PLEKHA5: variants seen among roughly 807,000 people sequenced by gnomAD.
The protein encoded by PLEKHA5 is pleckstrin homology domain containing A5.
Under a neutral mutation model 181.9 loss-of-function variants are expected in PLEKHA5, and 55 were observed. The observed-to-expected ratio is 0.30, with a 90% confidence interval of 0.24 to 0.38. The LOEUF (loss-of-function observed/expected upper bound fraction) is 0.38. Ranked by LOEUF, PLEKHA5 falls within the 10% of genes least tolerant of loss-of-function variation. The pLI is 1.00. For missense variants in PLEKHA5, 1,432 were observed against 1,549.5 expected (o/e 0.92, Z 1.27); for synonymous variants, 535 against 529.4 (o/e 1.01, Z -0.15).
chr12:19,326,364 A>G (rs2092085762), intron 20 of PLEKHA5, among the ~76,000 whole-genome samples: 1 of 152,162 alleles, frequency 6.6e-6, no homozygotes, highest in Non-Finnish European at 1.5e-5. Flanking sequence ...TTGCTGGCAG[A>G]ATCTCAAAGG....
Position 19,354,523 on chromosome 12 carries a change from T to A in PLEKHA5, c.3138+521T>A, listed in dbSNP as rs1433420593. ...TGAGATGGAGTCTCGCTCTCTCGCC[T>A]GGGCTGGAGTGCAGTGGCGTGATTT... On this transcript the variant is annotated intron_variant, in intron 26 of 31. Transcript: ENST00000429027. Among the ~76,000 whole-genome samples the A allele has an allele frequency of 2.1e-5, 3 of 140,944 alleles. No homozygotes were observed. In the Admixed American group the frequency reaches 2.2e-4, roughly 10 times the overall value. The allele number at this position is 140,944 out of a possible 152,430, so 92.5% of individuals were successfully genotyped here. A position where few individuals can be genotyped will look rare whatever the true frequency, so the allele number is the denominator to read the frequency against.
intron 25 of PLEKHA5, among the ~76,000 whole-genome samples, chr12:19,352,925 G>A (rs1452513099): frequency 6.7e-6 from 1 of 150,224 alleles, no homozygotes; most frequent in Non-Finnish European, 1.5e-5. Context: ...TGGGACTATA[G>A]GTGTACACCA....
intron 15 of PLEKHA5, among the ~76,000 whole-genome samples, chr12:19,305,228 C>A (rs1421920654): frequency 1.3e-5 from 2 of 152,078 alleles, no homozygotes; most frequent in African/African-American, 4.8e-5. Flanking sequence ...GATGTAATTA[C>A]ATATAATTCA....
chr12:19,209,469 C>A (rs1386520806), intron 3 of PLEKHA5, among the ~76,000 whole-genome samples: 1 of 152,202 alleles, frequency 6.6e-6, no homozygotes, highest in African/African-American at 2.4e-5. Flanking sequence ...TTGATTGATT[C>A]AGTATACACA....
intron 30 of PLEKHA5, among the ~76,000 whole-genome samples, chr12:19,367,783 T>C (rs1365374265): frequency 1.3e-5 from 2 of 150,896 alleles, no homozygotes; most frequent in East Asian, 3.9e-4. Flanking sequence ...AGAGATAGGG[T>C]TTCACTGTTA....
chr12:19,199,416 G>C (rs2053675958), intron 3 of PLEKHA5, among the ~76,000 whole-genome samples: 1 of 152,126 alleles, frequency 6.6e-6, no homozygotes, highest in Admixed American at 6.6e-5. Flanking sequence ...GAGTGTCACT[G>C]GTTTGTCCCA....
chr12:19,234,535 C>T (rs1194072783), intron 3 of PLEKHA5, among the ~76,000 whole-genome samples: 2 of 152,188 alleles, frequency 1.3e-5, no homozygotes, highest in Non-Finnish European at 2.9e-5. Flanking sequence ...TAGTATCCCT[C>T]ATAAGCTTCC....
chr12:19,329,153 A>G (rs901646017), intron 20 of PLEKHA5, among the ~76,000 whole-genome samples: 1 of 152,160 alleles, frequency 6.6e-6, no homozygotes, highest in Non-Finnish European at 1.5e-5. Flanking sequence ...TGATTTGTAT[A>G]TGTTGAACCA....
Position 19,265,768 on chromosome 12 carries a change from T to C in PLEKHA5, c.629T>C (p.Ile210Thr). The change falls in exon 8 of 32, where the codon ATC becomes ACC. Residue 210 changes from isoleucine (I) to threonine (T), a missense_variant. Ile to Thr is a moderately conservative substitution (Grantham distance 89, BLOSUM62 -1). This residue lies in a region of PLEKHA5 where 289 missense variants were observed against 381.1 expected (regional missense o/e 0.76). Transcript: ENST00000429027. ...FYYRDEKEEG[I>T]LGSILLPSFQ... ...CTCTTAGATGAGAAAGAAGAGGGTATCCTGGGAAGCATACTGTTACCTAGT... is the reference window on the plus strand; with the variant it reads ...CTCTTAGATGAGAAAGAAGAGGGTACCCTGGGAAGCATACTGTTACCTAGT... 1.3e-6 allele frequency: 2 copies of C among 1,578,480 alleles called. No homozygotes were observed. The highest frequency in any genetic ancestry group is 1.7e-6 in the Non-Finnish European group (2 of 1,149,794).
chr12:19,375,281 AC>A (rs1218621029), intron 31 of PLEKHA5, among the ~76,000 whole-genome samples: 1 of 152,068 alleles, frequency 6.6e-6, no homozygotes, highest in African/African-American at 2.4e-5. Flanking sequence ...CCGGGATCAT[AC>A]CACTGCACCC....
In PLEKHA5 at chr12:19,130,139, G is replaced by C. The variant is rs764189952; in HGVS notation, c.169+9G>C. 2.6e-6 allele frequency: 4 copies of C among 1,543,246 alleles called. No individual in the cohort carries two copies. Among genetic ancestry groups the C allele is most frequent in the Non-Finnish European group, 3.5e-6 (4 of 1,143,716 alleles). Reference sequence around the variant, plus strand: ...CCGGCGGCAGAGCACAGGTAACGCCGGGCCCAAACGGAGTTGGGCTCCGCC... The same window carrying C: ...CCGGCGGCAGAGCACAGGTAACGCCCGGCCCAAACGGAGTTGGGCTCCGCC... On this transcript the variant is annotated intron_variant, in intron 2 of 31. Transcript: ENST00000429027. The surrounding 1 kb of genome is among the most constrained non-coding windows in gnomAD (Gnocchi z 4.5).
intron 11 of PLEKHA5, 51 bp downstream of exon 11, chr12:19,275,034 G>T: frequency 8.2e-7 from 1 of 1,213,032 alleles, no homozygotes; most frequent in Non-Finnish European, 1.2e-6. Context: ...ATGCTGTGTT[G>T]GTGGAGATTG....
At chr12:19,280,735 C>CTTT (rs538185835) in intron 11 of PLEKHA5, among the ~76,000 whole-genome samples, 8 of 143,094 alleles carry the variant, frequency 5.6e-5, no homozygotes, top group African/African-American at 1.8e-4. Flanking sequence ...TTTTCTTTTT[C>CTTT]TTTTTTTTTT....
At chr12:19,275,937 C>A (rs185214021) in intron 11 of PLEKHA5, among the ~76,000 whole-genome samples, 1 of 152,160 alleles carries the variant, frequency 6.6e-6, no homozygotes, top group East Asian at 1.9e-4. Context: ...GTAGAGGAGA[C>A]AATTGAATAA....
At chr12:19,340,509 A>C (rs533498480) in intron 21 of PLEKHA5, among the ~76,000 whole-genome samples, 120 of 148,054 alleles carry the variant, frequency 8.1e-4, no homozygotes, top group African/African-American at 2.8e-3. Context: ...GTGGAATAGA[A>C]AGGGGGGAAA....
At chr12:19,325,730 C>T (rs1363452530) in intron 20 of PLEKHA5, among the ~76,000 whole-genome samples, 1 of 149,532 alleles carries the variant, frequency 6.7e-6, no homozygotes, top group Non-Finnish European at 1.5e-5. Context: ...ATAGGCCAGG[C>T]AGGTGCGGTG....
At chr12:19,135,364 C>G (rs1000766281) in intron 3 of PLEKHA5, among the ~76,000 whole-genome samples, 4 of 152,068 alleles carry the variant, frequency 2.6e-5, no homozygotes, top group Admixed American at 6.6e-5. Flanking sequence ...GTCTTCACGT[C>G]TTTAAATTAG....
rs1218843356 is a variant in PLEKHA5 at position 19,306,643 on chromosome 12, G to A, written c.2038-8171G>A. ...GCGGCGGTGGAGGCGGCGGCATCGA[G>A]GTAATAGGTGACTGATCTCCCCGGG... On this transcript the variant is annotated intron_variant, in intron 15 of 31. Coordinates refer to ENST00000429027, the MANE Select transcript of PLEKHA5 (RefSeq NM_001256470.2). 3 of 1,226,104 alleles carry A rather than the reference G, an allele frequency of 2.4e-6. No individual in the cohort carries two copies. The East Asian group carries it at 7.1e-5, about 29-fold the overall frequency. 76.0% of individuals were successfully genotyped at this position (1,226,104 alleles called of 1,614,324 possible).
chr12:19,154,671 G>C (rs2041260760), intron 3 of PLEKHA5: 1 of 152,140 alleles, frequency 6.6e-6, no homozygotes, highest in South Asian at 2.1e-4. Context: ...GTGTTTACTT[G>C]TTTGTATTCA....
Sources: allele counts gnomAD v4.1 joint callset (sites outside exome capture counted in the v4.1 genomes callset), GRCh38; gene constraint gnomAD v4.1.1; regional missense constraint gnomAD v4.1.1; non-coding constraint Gnocchi (gnomAD v3.1); transcripts MANE v1.5; gene names NCBI Gene and HGNC (gene_info 2026-07-23, HGNC 2026-07-21).